The following RB1CC1 variants were observed in gnomAD, a reference collection of about 807,000 sequenced individuals.
RB1CC1 encodes RB1-inducible coiled-coil protein 1.
A neutral mutation model predicts 177.5 loss-of-function variants in RB1CC1; 46 were observed. The ratio of observed to expected loss-of-function variants is 0.26; its 90% CI spans 0.20 to 0.33. RB1CC1 has a LOEUF of 0.33. Among genes scored for constraint, RB1CC1 ranks in the 10% least tolerant of loss-of-function variants. RB1CC1 has a pLI of 1.00. For missense variants in RB1CC1, 1,703 were observed against 1,816.3 expected, an observed-to-expected ratio of 0.94 and a Z score of 1.13; for synonymous variants, 666 against 613.6, an observed-to-expected ratio of 1.09 and a Z score of -1.26.
intron 5 of RB1CC1, 100 bp from the exon 6 acceptor site, chr8:52,676,671 G>C (rs532153657): frequency 9.7e-7 from 1 of 1,035,414 alleles, no homozygotes; most frequent in Non-Finnish European, 1.4e-6. Flanking sequence ...ATGCGTTGTA[G>C]AGCACATTTA....
intron 1 of RB1CC1, among the ~76,000 whole-genome samples, chr8:52,693,342 G>A (rs1855081595): frequency 1.3e-5 from 2 of 151,972 alleles, no homozygotes; most frequent in Admixed American, 6.6e-5. Flanking sequence ...GACAACCTAC[G>A]GGATGGAAGA....
At chr8:52,659,367 G>C (rs1340463271) in intron 12 of RB1CC1, among the ~76,000 whole-genome samples, 1 of 151,930 alleles carries the variant, frequency 6.6e-6, no homozygotes, top group Non-Finnish European at 1.5e-5. Context: ...ATGCACACAT[G>C]TATTTTTTTT....
chr8:52,656,570 CCTT>C lies in RB1CC1; in HGVS notation c.3256_3258del (p.Lys1086del), dbSNP rs755923691. 38 of 1,611,784 alleles carry C rather than the reference CCTT, an allele frequency of 2.4e-5. No individual in the cohort carries two copies. The highest frequency in any genetic ancestry group is 4.0e-5 in the African/African-American group (3 of 74,700). On this transcript the variant is annotated inframe_deletion, in exon 15 of 24. Coordinates refer to ENST00000025008, the MANE Select transcript of RB1CC1 (RefSeq NM_014781.5). ...TGTTCAAGAAGAGATTTCAAGGTCTCCTTCTGCTGGGCTCTGCTTTCTTCCAGC... is the reference window on the plus strand; with the variant it reads ...TGTTCAAGAAGAGATTTCAAGGTCTCCTGCTGGGCTCTGCTTTCTTCCAGC...
At position 52,657,618 on chromosome 8, in the gene RB1CC1, A is replaced by G. The variant is rs1258951597; in HGVS notation, c.2211T>C (p.Asn737=). 1 of 1,614,002 alleles carries G rather than the reference A, an allele frequency of 6.2e-7. No homozygotes were observed. Among genetic ancestry groups the G allele is most frequent in the Non-Finnish European group, 8.5e-7 (1 of 1,180,010 alleles). ...SPESDFMSAV[N]EFVIEENLSS... ...ACAAATTTTCTTCTATTACAAACTC[A>G]TTCACAGCAGACATAAAATCTGATT... Residue 737 remains asparagine, a synonymous_variant, in exon 15 of 24, where the codon AAT becomes AAC. Transcript: ENST00000025008.
intron 1 of RB1CC1, among the ~76,000 whole-genome samples, chr8:52,705,763 G>A (rs568294688): frequency 1.1e-4 from 17 of 152,204 alleles, no homozygotes; most frequent in African/African-American, 3.9e-4. Context: ...TTGAGCCTGG[G>A]AGCTGGAGGC....
In RB1CC1 at chr8:52,622,835, A is replaced by C. The variant is rs1210678291; in HGVS notation, c.*947T>G. On this transcript the variant is annotated 3_prime_UTR_variant, in exon 24 of 24. Coordinates refer to ENST00000025008, the MANE Select transcript of RB1CC1 (RefSeq NM_014781.5). ...ACATAACAATATTTTCACACTTCCC[A>C]GCAATCACTCAAATATATTAAAAAT... is the stretch of plus-strand genomic sequence containing the variant. 2.0e-5 allele frequency: 3 copies of C among 152,096 alleles called. No individual in the cohort carries two copies. Among genetic ancestry groups the C allele is most frequent in the Non-Finnish European group, 4.4e-5 (3 of 67,592 alleles). 9.4% of individuals were successfully genotyped at this position (152,096 alleles called of 1,614,324 possible). A position where few individuals can be genotyped will look rare whatever the true frequency, so the allele number is the denominator to read the frequency against.
At chr8:52,650,256 G>A (rs551955438) in intron 15 of RB1CC1, among the ~76,000 whole-genome samples, 5 of 152,254 alleles carry the variant, frequency 3.3e-5, no homozygotes, top group South Asian at 4.2e-4. Flanking sequence ...TTCCCTCCTC[G>A]GTAGGTTCTA....
intron 18 of RB1CC1, among the ~76,000 whole-genome samples, chr8:52,636,973 T>C (rs1849193342): frequency 6.6e-6 from 1 of 152,202 alleles, no homozygotes; most frequent in East Asian, 1.9e-4. Context: ...CACTACAGTG[T>C]CTTATTACCC....
Position 52,667,967 on chromosome 8 carries a change from T to C in RB1CC1, c.1173+54A>G, listed in dbSNP as rs183554874. ...CCAAATTGATACTGCATATAAAACA[T>C]GTGTACAAAAAAACTATAAATTCCT... On this transcript the variant is annotated intron_variant, in intron 8 of 23. Coordinates refer to ENST00000025008, the MANE Select transcript of RB1CC1 (RefSeq NM_014781.5). 3.0e-3 allele frequency: 4,587 copies of C among 1,545,004 alleles called. 6 individuals are homozygous for C. The highest frequency in any genetic ancestry group is 3.6e-3 in the Non-Finnish European group (4,107 of 1,139,912).
chr8:52,630,403 T>C, intron 21 of RB1CC1, 67 bp downstream of exon 21: 3 of 1,495,518 alleles, frequency 2.0e-6, no homozygotes, highest in Non-Finnish European at 2.7e-6. Context: ...GTCACTGAAA[T>C]ACATTTTCAT....
At chr8:52,636,451 A>G (rs908589467) in intron 18 of RB1CC1, among the ~76,000 whole-genome samples, 6 of 152,190 alleles carry the variant, frequency 3.9e-5, no homozygotes, top group African/African-American at 1.4e-4. Flanking sequence ...CTCACTAGTT[A>G]CTATGCCAGG....
rs148863838 is a variant in RB1CC1 at position 52,665,948 on chromosome 8, G to T, written c.1173+2073C>A. ...AGGTACAATGGAACAGTTTATTTGC[G>T]TTCAGATCCTTAAAACCTATATCCT... is the stretch of plus-strand genomic sequence containing the variant. On this transcript the variant is annotated intron_variant, in intron 8 of 23. Coordinates refer to ENST00000025008, the MANE Select transcript of RB1CC1 (RefSeq NM_014781.5). Among the ~76,000 whole-genome samples the T allele has an allele frequency of 2.0e-5, 3 of 152,142 alleles. No homozygotes were observed. In the South Asian group the frequency reaches 6.2e-4, roughly 31 times the overall value.
At chr8:52,634,259 C>T (rs1265254549) in intron 20 of RB1CC1, among the ~76,000 whole-genome samples, 1 of 152,112 alleles carries the variant, frequency 6.6e-6, no homozygotes, top group Non-Finnish European at 1.5e-5. Flanking sequence ...CAATGTTTCA[C>T]ACCTGTAACT....
intron 11 of RB1CC1, 72 bp from the exon 12 acceptor site, chr8:52,660,729 A>C: frequency 1.1e-6 from 1 of 898,632 alleles, no homozygotes; most frequent in Non-Finnish European, 1.6e-6. Context: ...CTGGTTTTTG[A>C]AAAGGTAAAT....
At chr8:52,660,138 G>A (rs990469324) in intron 12 of RB1CC1, among the ~76,000 whole-genome samples, 2 of 152,144 alleles carry the variant, frequency 1.3e-5, no homozygotes, top group East Asian at 1.9e-4. Context: ...TCAAACTAAC[G>A]TTTAATTCCA....
At chr8:52,692,969 C>T (rs552447227) in intron 1 of RB1CC1, among the ~76,000 whole-genome samples, 1 of 152,214 alleles carries the variant, frequency 6.6e-6, no homozygotes, top group Non-Finnish European at 1.5e-5. Context: ...AAAAGGTGAT[C>T]TTCACCTACA....
Position 52,642,716 on chromosome 8 carries a change from C to G in RB1CC1, c.4084G>C (p.Glu1362Gln). 6.3e-7 allele frequency: 1 copy of G among 1,576,962 alleles called. No homozygotes were observed. Among genetic ancestry groups the G allele is most frequent in the Non-Finnish European group, 8.6e-7 (1 of 1,168,874 alleles). Residue 1362 changes from glutamate to glutamine, a missense_variant, in exon 17 of 24, where the codon GAA becomes CAA. Physicochemically the swap from Glu to Gln is conservative, Grantham distance 29. This residue lies in a region of RB1CC1 where 1,169 missense variants were observed against 1,184.7 expected (regional missense o/e 0.99). Coordinates refer to ENST00000025008, the MANE Select transcript of RB1CC1 (RefSeq NM_014781.5). ...AAACAGTACAAACCTTTATCCCGTT[C>G]TTGTTGCTGCATTGTACTTTTCAAC... ...DKLKSTMQQQ[E>Q]RDKDLIESLS...
At position 52,660,941 on chromosome 8, in the gene RB1CC1, A is replaced by T; in HGVS notation, c.1612T>A (p.Phe538Ile). Residue 538 changes from phenylalanine to isoleucine, a missense_variant, in exon 11 of 24, where the codon TTT (phenylalanine) becomes ATT (isoleucine). By Grantham distance (21) the Phe-to-Ile change is conservative. Around this residue, in one of 6 missense-constraint regions of RB1CC1, gnomAD observed 1,169 missense variants for 1,184.7 expected, o/e 0.99. Transcript: ENST00000025008. ...YEAEKSKRES[F>I]GKLFRKSFLR... ...GAACACTTACTAAATAATTTCCCAA[A>T]GGATTCCCTTTTTGATTTTTCTGCT... 1 of 1,611,584 alleles carries T rather than the reference A, an allele frequency of 6.2e-7. No individual in the cohort carries two copies. The highest frequency in any genetic ancestry group is 8.5e-7 in the Non-Finnish European group (1 of 1,178,388).
chr8:52,661,681 CTTT>C lies in RB1CC1; in HGVS notation c.1209_1211del (p.Lys404del). On this transcript the variant is annotated inframe_deletion, in exon 9 of 24. Coordinates refer to ENST00000025008, the MANE Select transcript of RB1CC1 (RefSeq NM_014781.5). ...ATAAATCAGGTAATACAGATGCATC[CTTT>C]AAGTTTTCAGCTCTCTTCTGATTAG... 6.2e-7 allele frequency: 1 copy of C among 1,601,118 alleles called. No homozygotes were observed. Among genetic ancestry groups the C allele is most frequent in the Non-Finnish European group, 8.5e-7 (1 of 1,175,872 alleles).
Sources: gnomAD v4.1 joint callset for allele counts (sites outside exome capture counted in the v4.1 genomes callset) on GRCh38, gnomAD v4.1.1 for gene constraint, gnomAD v4.1.1 regional missense constraint, MANE v1.5 for transcripts, NCBI Gene and HGNC (gene_info 2026-07-23, HGNC 2026-07-21) for gene names.